ARSB: variants seen among roughly 807,000 people sequenced by gnomAD.
ARSB encodes arylsulfatase B, also known as N-acetylgalactosamine-4-sulfatase.
In ARSB, 41 loss-of-function variants were observed where a neutral mutation model predicts 50.9. The observed-to-expected ratio is 0.81, with a 90% CI of 0.63 to 1.04. The LOEUF is 1.04. ARSB is among the 50% of genes least tolerant of loss of function. The probability of loss-of-function intolerance (pLI) is 0.00; values close to 1 mark genes in which losing one functional copy is unlikely to be tolerated. For missense variants in ARSB, 672 were observed against 693.3 expected (o/e 0.97, Z 0.35); for synonymous variants, 269 against 284.8 (o/e 0.94, Z 0.56).
At position 78,799,638 on chromosome 5, in the gene ARSB, T is replaced by C. The variant is rs1399286227; in HGVS notation, c.1214-17664A>G. Among the ~76,000 whole-genome samples, 4 of 152,214 alleles carry C rather than the reference T, an allele frequency of 2.6e-5. No individual in the cohort carries two copies. In the East Asian group the frequency reaches 7.7e-4, roughly 29 times the overall value. ...CGGGGAGAAAAATGAAACAGAACTG[T>C]ATTTCCCATCTGACTCAAACAAGAA... On this transcript the variant is annotated intron_variant, in intron 6 of 7. Coordinates refer to ENST00000264914, the MANE Select transcript of ARSB (RefSeq NM_000046.5).
chr5:78,877,984 A>C (rs1364591374), intron 5 of ARSB, among the ~76,000 whole-genome samples: 1 of 152,254 alleles, frequency 6.6e-6, no homozygotes, highest in Non-Finnish European at 1.5e-5. Flanking sequence ...GAGATGAAAA[A>C]TACATTGCAT....
Position 78,780,526 on chromosome 5 carries a change from A to G in ARSB, c.1473T>C (p.Tyr491=). 6.2e-7 allele frequency: 1 copy of G among 1,614,102 alleles called. No individual in the cohort carries two copies. The highest frequency in any genetic ancestry group is 8.5e-7 in the Non-Finnish European group (1 of 1,180,024). The change falls in exon 8 of 8, where the codon TAT becomes TAC. Residue 491 remains tyrosine (Y), a synonymous_variant. Transcript: ENST00000264914. ...PEERHDLSRE[Y]PHIVTKLLSR... Reference sequence around the variant, plus strand: ...ACAGGAGCTTTGTGACGATGTGAGGATATTCTCTGGACAGGTCATGTCTTT... The same window carrying G: ...ACAGGAGCTTTGTGACGATGTGAGGGTATTCTCTGGACAGGTCATGTCTTT...
chr5:78,845,358 T>C (rs1745398734), intron 5 of ARSB, among the ~76,000 whole-genome samples: 1 of 152,144 alleles, frequency 6.6e-6, no homozygotes, highest in Admixed American at 6.6e-5. Flanking sequence ...CATATCTCCT[T>C]GATATACTGA....
chr5:78,860,800 C>CA (rs1245988714), intron 5 of ARSB, among the ~76,000 whole-genome samples: 1 of 151,986 alleles, frequency 6.6e-6, no homozygotes, highest in Non-Finnish European at 1.5e-5. Flanking sequence ...AAAAACCCTT[C>CA]AAAAAAATCA....
intron 3 of ARSB, among the ~76,000 whole-genome samples, chr5:78,960,436 T>C (rs1460147172): frequency 1.3e-5 from 2 of 152,248 alleles, no homozygotes; most frequent in African/African-American, 4.8e-5. Flanking sequence ...GACATTCTTT[T>C]CCAAATTGTG....
intron 5 of ARSB, among the ~76,000 whole-genome samples, chr5:78,849,206 G>C (rs1305626931): frequency 1.3e-5 from 2 of 151,860 alleles, no homozygotes; most frequent in Non-Finnish European, 2.9e-5. Context: ...TAGGTCTAAC[G>C]TTTAAGTCTT....
intron 4 of ARSB, among the ~76,000 whole-genome samples, chr5:78,941,493 G>C (rs182880): frequency 0.6 from 90,980 of 151,224 alleles, 27,276 homozygotes; most frequent in East Asian, 0.7. Context: ...TAGCATGAAG[G>C]GTTGTTGAAT....
At chr5:78,919,823 TGAA>T (rs1310749417) in intron 4 of ARSB, among the ~76,000 whole-genome samples, 3 of 152,116 alleles carry the variant, frequency 2.0e-5, no homozygotes, top group Non-Finnish European at 4.4e-5. Flanking sequence ...TTCTAATAGA[TGAA>T]GAAGTAAAGC....
chr5:78,833,750 C>A (rs532055662), intron 6 of ARSB, among the ~76,000 whole-genome samples: 57 of 152,304 alleles, frequency 3.7e-4, no homozygotes, highest in African/African-American at 1.1e-3. Context: ...TTATAAATCT[C>A]TATTTGTCTA....
In ARSB at chr5:78,909,950, G is replaced by A. The variant is rs1367636944; in HGVS notation, c.899-24123C>T. Among the ~76,000 whole-genome samples the A allele has an allele frequency of 2.6e-5, 4 of 152,228 alleles. No homozygotes were observed. In the East Asian group the frequency reaches 5.8e-4, roughly 22 times the overall value. ...GATAGGAGAAAAGCCGCCCTGTGGC[G>A]GGAGGCGAGACATGTTGGCAGCAAT... On this transcript the variant is annotated intron_variant, in intron 4 of 7. Coordinates refer to ENST00000264914, the MANE Select transcript of ARSB (RefSeq NM_000046.5).
At chr5:78,783,420 T>C (rs1014396226) in intron 6 of ARSB, 6 of 152,268 alleles carry the variant, frequency 3.9e-5, no homozygotes, top group Admixed American at 3.3e-4. Context: ...AATGACCTTG[T>C]AGAGACAAGC....
At chr5:78,782,276 C>T (rs1350405272) in intron 6 of ARSB, among the ~76,000 whole-genome samples, 1 of 152,208 alleles carries the variant, frequency 6.6e-6, no homozygotes, top group East Asian at 1.9e-4. Flanking sequence ...TGTTCTGTTA[C>T]AGCAGAGTGA....
At chr5:78,934,933 T>G (rs573677483) in intron 4 of ARSB, among the ~76,000 whole-genome samples, 39 of 152,286 alleles carry the variant, frequency 2.6e-4, no homozygotes, top group African/African-American at 8.9e-4. Context: ...GATTATATAA[T>G]TTTGATTTTT....
intron 1 of ARSB, 111 bp from the exon 2 acceptor site, chr5:78,969,303 C>T: frequency 1.7e-6 from 2 of 1,177,080 alleles, no homozygotes; most frequent in Admixed American, 1.8e-5. Flanking sequence ...GGATGTTTAA[C>T]TCTATTCCTG....
At chr5:78,904,826 C>T (rs571916719) in intron 4 of ARSB, among the ~76,000 whole-genome samples, 1 of 151,686 alleles carries the variant, frequency 6.6e-6, no homozygotes, top group South Asian at 2.1e-4. Context: ...GTAGCTGGGA[C>T]GACAGGCGTG....
intron 4 of ARSB, 127 bp from the exon 5 acceptor site, chr5:78,885,954 T>C (rs1012626384): frequency 5.5e-6 from 8 of 1,464,154 alleles, no homozygotes; most frequent in Non-Finnish European, 7.5e-6. Context: ...TTCCTTGCCT[T>C]TTCCCACCCT....
chr5:78,870,291 A>G (rs145785410), intron 5 of ARSB, among the ~76,000 whole-genome samples: 7,830 of 48,254 alleles, frequency 0.16, 970 homozygotes, highest in Middle Eastern at 0.25. Flanking sequence ...AGAAAAAGAG[A>G]GAATCCTCCC....
intron 6 of ARSB, among the ~76,000 whole-genome samples, chr5:78,798,327 CG>C (rs1411052720): frequency 6.7e-6 from 1 of 149,848 alleles, no homozygotes; most frequent in Admixed American, 6.7e-5. Flanking sequence ...TCTAAATACA[CG>C]TTTTTTTAAG....
intron 5 of ARSB, among the ~76,000 whole-genome samples, chr5:78,873,367 TAAAGAGGC>T (rs1335200807): frequency 6.7e-6 from 1 of 150,370 alleles, no homozygotes; most frequent in Non-Finnish European, 1.5e-5. Flanking sequence ...AAAGAAAAAA[TAAAGAGGC>T]AAAGAGGATA....
Sources: gnomAD v4.1 joint callset for allele counts (sites outside exome capture counted in the v4.1 genomes callset) on GRCh38, gnomAD v4.1.1 for gene constraint, MANE v1.5 for transcripts, NCBI Gene and HGNC (gene_info 2026-07-23, HGNC 2026-07-21) for gene names.